Variants in TIGIT observed in about 807,000 individuals in gnomAD.
The protein encoded by TIGIT is T-cell immunoreceptor with Ig and ITIM domains.
In TIGIT, 11 loss-of-function variants were observed where a neutral mutation model predicts 19.6. That is an observed-to-expected ratio of 0.56 (90% CI 0.35 to 0.93). TIGIT has a LOEUF of 0.93. Ranked by LOEUF, TIGIT falls within the 40% of genes least tolerant of loss-of-function variation. TIGIT has a pLI of 0.01. For synonymous variants in TIGIT, 130 were observed against 125.5 expected (o/e 1.04, Z -0.24); for missense variants, 295 against 303.9 (o/e 0.97, Z 0.22).
intron 2 of TIGIT, among the ~76,000 whole-genome samples, chr3:114,298,341 G>T (rs547589270): frequency 1.2e-4 from 19 of 152,184 alleles, no homozygotes; most frequent in African/African-American, 4.3e-4. Flanking sequence ...ATTGTATCTC[G>T]AACTTATCCT....
chr3:114,304,647 T>C (rs1020540986), intron 3 of TIGIT, among the ~76,000 whole-genome samples: 1 of 152,220 alleles, frequency 6.6e-6, no homozygotes, highest in Non-Finnish European at 1.5e-5. Flanking sequence ...AACCTTTCTA[T>C]TCTCTTAGCA....
rs960176935 is a variant in TIGIT at position 114,308,631 on chromosome 3, G to GTATC, written c.*502_*505dup. The GTATC allele has an allele frequency of 1.3e-5, 2 of 153,396 alleles. No homozygotes were observed. Among genetic ancestry groups the GTATC allele is most frequent in the African/African-American group, 4.8e-5 (2 of 41,430 alleles). The allele number at this position is 153,396 out of a possible 1,614,324, so 9.5% of individuals were successfully genotyped here. ...GAGATTTGAGAGTGACTAAATCTTG[G>GTATC]TATCTGCCCTCAAGAACTTACAGTT... On this transcript the variant is annotated 3_prime_UTR_variant, in exon 4 of 4. Transcript: ENST00000383671.
At chr3:114,298,614 T>C (rs1053988938) in intron 2 of TIGIT, among the ~76,000 whole-genome samples, 1 of 152,236 alleles carries the variant, frequency 6.6e-6, no homozygotes, top group South Asian at 2.1e-4. Flanking sequence ...TGTATGGCTA[T>C]GGCTAACCAG....
At chr3:114,302,641 A>G (rs2078499762) in intron 3 of TIGIT, among the ~76,000 whole-genome samples, 1 of 152,216 alleles carries the variant, frequency 6.6e-6, no homozygotes, top group Non-Finnish European at 1.5e-5. Flanking sequence ...CATTGCTACT[A>G]GGAATCCAGT....
intron 3 of TIGIT, among the ~76,000 whole-genome samples, chr3:114,301,128 G>T (rs930101604): frequency 6.6e-6 from 1 of 152,088 alleles, no homozygotes; most frequent in African/African-American, 2.4e-5. Context: ...TCCTTGTTTT[G>T]TCTGATCTCT....
At chr3:114,295,221 A>G (rs1314185745) in intron 1 of TIGIT, among the ~76,000 whole-genome samples, 2 of 152,098 alleles carry the variant, frequency 1.3e-5, no homozygotes, top group Non-Finnish European at 2.9e-5. Flanking sequence ...GGCAGAAGTC[A>G]GCTCTGGAAG....
rs550868811 is a variant in TIGIT at position 114,301,987 on chromosome 3, G to A, written c.498+2284G>A. 6.6e-5 allele frequency among the ~76,000 whole-genome samples: 10 copies of A among 152,324 alleles called. No individual in the cohort carries two copies. The South Asian group carries it at 1.9e-3, about 28-fold the overall frequency. ...TAGGATGTAAGGACACCACAAGGAGGAGTAGCAAGGTGCTGTAACCATTCC... is the reference window on the plus strand; with the variant it reads ...TAGGATGTAAGGACACCACAAGGAGAAGTAGCAAGGTGCTGTAACCATTCC... On this transcript the variant is annotated intron_variant, in intron 3 of 3. Transcript: ENST00000383671.
At chr3:114,304,271 A>T (rs1430062172) in intron 3 of TIGIT, among the ~76,000 whole-genome samples, 1 of 152,212 alleles carries the variant, frequency 6.6e-6, no homozygotes, top group Non-Finnish European at 1.5e-5. Flanking sequence ...TTGTTTTAAA[A>T]AAACACTTAA....
rs1576146010 is a variant in TIGIT, at chr3:114,309,143, A to C, written c.*1012A>C. The C allele has an allele frequency of 6.6e-6, 1 of 152,326 alleles. No homozygotes were observed. The highest frequency in any genetic ancestry group is 2.1e-4 in the South Asian group (1 of 4,822). The allele number at this position is 152,326 out of a possible 1,614,324, so 9.4% of individuals were successfully genotyped here. ...TTTGAAAAAAGAACGTTTCCCACTA[A>C]AAAGAAAATGTGGATTTTTAAAATA... is the stretch of plus-strand genomic sequence containing the variant. On this transcript the variant is annotated 3_prime_UTR_variant, in exon 4 of 4. Coordinates refer to ENST00000383671, the MANE Select transcript of TIGIT (RefSeq NM_173799.4).
chr3:114,306,835 CT>C (rs1488151858), intron 3 of TIGIT, among the ~76,000 whole-genome samples: 1 of 152,194 alleles, frequency 6.6e-6, no homozygotes, highest in Non-Finnish European at 1.5e-5. Context: ...TGAAATCCAG[CT>C]GTGCATCTCA....
At chr3:114,297,228 A>C (rs1477000326) in intron 2 of TIGIT, among the ~76,000 whole-genome samples, 2 of 152,158 alleles carry the variant, frequency 1.3e-5, no homozygotes, top group African/African-American at 4.8e-5. Context: ...CTGGAATTGC[A>C]CTGTCTGGGG....
At chr3:114,306,334 C>T (rs928761658) in intron 3 of TIGIT, among the ~76,000 whole-genome samples, 9 of 152,206 alleles carry the variant, frequency 5.9e-5, no homozygotes, top group African/African-American at 2.2e-4. Flanking sequence ...TGGAAACACC[C>T]TCACAGACAC....
intron 2 of TIGIT, among the ~76,000 whole-genome samples, chr3:114,299,275 G>GT (rs966886065): frequency 1.3e-5 from 2 of 152,046 alleles, no homozygotes; most frequent in Non-Finnish European, 2.9e-5. Flanking sequence ...CACTTTCTGA[G>GT]TTTTTTTCTG....
intron 2 of TIGIT, among the ~76,000 whole-genome samples, chr3:114,298,157 C>T (rs965808047): frequency 2.0e-5 from 3 of 152,172 alleles, no homozygotes; most frequent in African/African-American, 7.2e-5. Flanking sequence ...CTGCCCCTTC[C>T]CCACCCTGCA....
rs764645855 is a variant in TIGIT at position 114,299,553 on chromosome 3, A to C, written c.392-44A>C. The stretch of plus-strand genomic sequence containing the variant: ...AGGCTGCCCTGGGGAAATCAGCTTC[A>C]CTTCTGGCTTCTGCCACTCATCTCT... On this transcript the variant is annotated intron_variant, in intron 2 of 3. Coordinates refer to ENST00000383671, the MANE Select transcript of TIGIT (RefSeq NM_173799.4). 3 of 1,466,190 alleles carry C rather than the reference A, an allele frequency of 2.0e-6. No homozygotes were observed. In the South Asian group the frequency reaches 3.4e-5, roughly 17 times the overall value. The allele number at this position is 1,466,190 out of a possible 1,614,324, so 90.8% of individuals were successfully genotyped here.
intron 3 of TIGIT, 38 bp downstream of exon 3, chr3:114,299,741 C>G (rs1292466497): frequency 4.9e-6 from 7 of 1,425,450 alleles, no homozygotes; most frequent in Non-Finnish European, 5.9e-6. Flanking sequence ...CATGGGCACC[C>G]CCACGTCTGG....
chr3:114,307,808 TAAGA>T (rs1229136012), intron 3 of TIGIT, 83 bp from the exon 4 acceptor site: 4 of 1,238,746 alleles, frequency 3.2e-6, no homozygotes, highest in African/African-American at 3.0e-5. Flanking sequence ...TGCATGTGTG[TAAGA>T]AAGGAAGAGA....
intron 3 of TIGIT, among the ~76,000 whole-genome samples, chr3:114,300,131 T>C (rs1334092530): frequency 2.6e-5 from 4 of 152,100 alleles, no homozygotes; most frequent in Admixed American, 2.6e-4. Flanking sequence ...AAATAAACAC[T>C]CCAAAAATGT....
intron 3 of TIGIT, among the ~76,000 whole-genome samples, chr3:114,304,660 C>T (rs554032703): frequency 1.3e-5 from 2 of 152,314 alleles, no homozygotes; most frequent in South Asian, 4.1e-4. Context: ...TCTTAGCAGA[C>T]CCAGCACTTC....
Sources: gnomAD v4.1 joint callset for allele counts (sites outside exome capture counted in the v4.1 genomes callset) on GRCh38, gnomAD v4.1.1 for gene constraint, MANE v1.5 for transcripts, NCBI Gene and HGNC (gene_info 2026-07-23, HGNC 2026-07-21) for gene names.